Variants in CDH12 observed in about 807,000 individuals in gnomAD.
CDH12 encodes cadherin-12.
A neutral mutation model predicts 74.1 loss-of-function variants in CDH12; 41 were observed. That is an observed-to-expected ratio of 0.55 (90% CI 0.43 to 0.72). The LOEUF (loss-of-function observed/expected upper bound fraction) is 0.72. CDH12 is among the 30% of genes least tolerant of loss of function. The pLI, the probability that CDH12 is intolerant of heterozygous loss-of-function variation, is 0.00. For missense variants in CDH12, 945 were observed against 977.2 expected (o/e 0.97, Z 0.44); for synonymous variants, 399 against 355.0 (o/e 1.12, Z -1.39).
intron 4 of CDH12, among the ~76,000 whole-genome samples, chr5:22,194,863 G>T (rs542641071): frequency 6.6e-6 from 1 of 152,298 alleles, no homozygotes; most frequent in East Asian, 1.9e-4. Flanking sequence ...TTGTGGTCTT[G>T]CCTGGCAGAT....
At chr5:22,172,027 T>A (rs542237903) in intron 4 of CDH12, among the ~76,000 whole-genome samples, 1 of 152,032 alleles carries the variant, frequency 6.6e-6, no homozygotes, top group South Asian at 2.1e-4. Context: ...ATATTTTAAG[T>A]TCATTGTGAT....
intron 2 of CDH12, among the ~76,000 whole-genome samples, chr5:22,482,161 AC>A (rs1746408522): frequency 6.6e-6 from 1 of 152,178 alleles, no homozygotes; most frequent in Non-Finnish European, 1.5e-5. Context: ...GAGAATACCA[AC>A]TAAGAGTCCT....
chr5:22,136,816 A>G (rs1486772666), intron 4 of CDH12, among the ~76,000 whole-genome samples: 3 of 151,812 alleles, frequency 2.0e-5, no homozygotes, highest in Admixed American at 6.6e-5. Context: ...AGACATAAAC[A>G]AAAGTGGGAA....
intron 5 of CDH12, among the ~76,000 whole-genome samples, chr5:22,068,461 G>A (rs993437185): frequency 5.3e-5 from 8 of 152,190 alleles, no homozygotes; most frequent in Admixed American, 4.6e-4. Flanking sequence ...AACCCTCTCA[G>A]TGGACAGAAC....
chr5:22,177,744 A>G lies in CDH12; in HGVS notation c.-187+34754T>C, dbSNP rs191300503. Among the ~76,000 whole-genome samples the G allele has an allele frequency of 2.6e-3, 397 of 152,226 alleles. 2 individuals carry two copies. Among genetic ancestry groups the G allele is most frequent in the Non-Finnish European group, 3.3e-3 (225 of 68,026 alleles). On this transcript the variant is annotated intron_variant, in intron 4 of 14. Transcript: ENST00000382254. Reference sequence around the variant, plus strand: ...ACCTATCACACCATCAAACACTTATATAGACACACAACTGAGAGAGGGGTT... The same window carrying G: ...ACCTATCACACCATCAAACACTTATGTAGACACACAACTGAGAGAGGGGTT...
At chr5:22,283,511 G>A (rs4340887) in intron 3 of CDH12, among the ~76,000 whole-genome samples, 51,635 of 151,434 alleles carry the variant, frequency 0.34, 9,270 homozygotes, top group East Asian at 0.49. Context: ...ACTGACATAA[G>A]AACAGAAAGG....
At chr5:22,457,307 G>T (rs1745317557) in intron 2 of CDH12, among the ~76,000 whole-genome samples, 1 of 152,118 alleles carries the variant, frequency 6.6e-6, no homozygotes, top group South Asian at 2.1e-4. Flanking sequence ...CAAGGTGTCA[G>T]GTGGGCCATG....
intron 1 of CDH12, among the ~76,000 whole-genome samples, chr5:22,719,806 C>T (rs1415827962): frequency 6.6e-6 from 1 of 152,108 alleles, no homozygotes; most frequent in Non-Finnish European, 1.5e-5. Flanking sequence ...ATCTTTGATT[C>T]TTCCCTTTGC....
intron 4 of CDH12, among the ~76,000 whole-genome samples, chr5:22,149,190 C>T (rs1427090335): frequency 6.6e-6 from 1 of 152,138 alleles, no homozygotes; most frequent in Non-Finnish European, 1.5e-5. Context: ...TTCATTTTAA[C>T]TTGACTACAT....
intron 11 of CDH12, among the ~76,000 whole-genome samples, chr5:21,765,922 G>T (rs376755506): frequency 3.9e-5 from 6 of 152,132 alleles, no homozygotes; most frequent in Non-Finnish European, 1.5e-5. Context: ...GTTGCAGATG[G>T]ATGAACTGTT....
intron 6 of CDH12, among the ~76,000 whole-genome samples, chr5:21,904,521 C>T (rs1356012370): frequency 6.6e-6 from 1 of 152,096 alleles, no homozygotes; most frequent in Admixed American, 6.6e-5. Context: ...GTAATCCCAG[C>T]ACTTTGAGAG....
chr5:22,243,095 T>A (rs1008532318), intron 3 of CDH12, among the ~76,000 whole-genome samples: 1 of 152,158 alleles, frequency 6.6e-6, no homozygotes, highest in African/African-American at 2.4e-5. Context: ...CTTTCAAAGA[T>A]TAATTGTTGA....
intron 6 of CDH12, among the ~76,000 whole-genome samples, chr5:21,912,410 TAAA>T (rs1434453214): frequency 6.6e-6 from 1 of 152,060 alleles, no homozygotes; most frequent in African/African-American, 2.4e-5. Flanking sequence ...AATGAGATTT[TAAA>T]TGGAACTCCT....
chr5:21,908,331 C>T (rs577884779), intron 6 of CDH12, among the ~76,000 whole-genome samples: 2 of 152,242 alleles, frequency 1.3e-5, no homozygotes, highest in African/African-American at 2.4e-5. Flanking sequence ...CATCCAAACT[C>T]GTTTTAAAAA....
chr5:22,366,026 T>C (rs1188425175), intron 3 of CDH12, among the ~76,000 whole-genome samples: 1 of 152,172 alleles, frequency 6.6e-6, no homozygotes, highest in Non-Finnish European at 1.5e-5. Context: ...TGGTGCGATC[T>C]TGGCTCACTG....
chr5:22,179,436 T>G (rs1342547449), intron 4 of CDH12, among the ~76,000 whole-genome samples: 1 of 152,196 alleles, frequency 6.6e-6, no homozygotes, highest in Non-Finnish European at 1.5e-5. Context: ...CAATTAAATT[T>G]AAGTTTAAAC....
At chr5:21,908,305 T>C (rs912076835) in intron 6 of CDH12, among the ~76,000 whole-genome samples, 22 of 152,192 alleles carry the variant, frequency 1.4e-4, no homozygotes, top group Admixed American at 2.0e-4. Flanking sequence ...GTGAGGACAA[T>C]GTTATGTAAC....
intron 6 of CDH12, among the ~76,000 whole-genome samples, chr5:21,878,449 C>G (rs1752051143): frequency 6.6e-6 from 1 of 151,894 alleles, no homozygotes; most frequent in African/African-American, 2.4e-5. Flanking sequence ...ACAATACTCA[C>G]TAGTCACGGT....
chr5:22,697,100 T>A (rs1274195655), intron 1 of CDH12, among the ~76,000 whole-genome samples: 1 of 152,152 alleles, frequency 6.6e-6, no homozygotes, highest in East Asian at 1.9e-4. Context: ...TAGAGCACGA[T>A]TATAAAAACT....
Sources: allele counts gnomAD v4.1 joint callset (sites outside exome capture counted in the v4.1 genomes callset), GRCh38; gene constraint gnomAD v4.1.1; transcripts MANE v1.5; gene names NCBI Gene and HGNC (gene_info 2026-07-23, HGNC 2026-07-21).